SEC62: variants seen among roughly 807,000 people sequenced by gnomAD.
SEC62 encodes translocation protein SEC62.
Under a neutral mutation model 47.5 loss-of-function variants are expected in SEC62, and 10 were observed. That is an observed-to-expected ratio of 0.21 (90% CI 0.13 to 0.36). SEC62 has a LOEUF of 0.36. Among genes scored for constraint, SEC62 ranks in the 10% least tolerant of loss-of-function variants. The probability of loss-of-function intolerance (pLI) is 1.00; values close to 1 mark genes in which losing one functional copy is unlikely to be tolerated. For missense variants in SEC62, 327 were observed against 464.1 expected (o/e 0.70, Z 2.71); for synonymous variants, 136 against 150.5 (o/e 0.90, Z 0.71).
At chr3:169,967,232 CCCTT>C (rs1714553672) in intron 1 of SEC62, among the ~76,000 whole-genome samples, 1 of 152,324 alleles carries the variant, frequency 6.6e-6, no homozygotes, top group East Asian at 1.9e-4. Flanking sequence ...CTCCTCCCCT[CCCTT>C]CACCCCATCC....
intron 1 of SEC62, among the ~76,000 whole-genome samples, chr3:169,971,315 T>A (rs1255230564): frequency 6.6e-6 from 1 of 152,064 alleles, no homozygotes; most frequent in Non-Finnish European, 1.5e-5. Context: ...TCTCATGCGA[T>A]CCACCTCGGC....
intron 6 of SEC62, among the ~76,000 whole-genome samples, chr3:169,987,166 C>T (rs1199225328): frequency 6.6e-6 from 1 of 152,072 alleles, no homozygotes; most frequent in Non-Finnish European, 1.5e-5. Context: ...GTGGCTCACA[C>T]TTGTAATCCT....
In SEC62 at chr3:169,992,158, G is replaced by A. The variant is rs185288750; in HGVS notation, c.731-436G>A. Among the ~76,000 whole-genome samples the A allele has an allele frequency of 3.3e-5, 5 of 152,248 alleles. No homozygotes were observed. Among genetic ancestry groups the A allele is most frequent in the Admixed American group, 2.0e-4 (3 of 15,296 alleles). The stretch of plus-strand genomic sequence containing the variant: ...ACTTAAATTCCCAACTGATTGCTAT[G>A]TGTATTGAAGCATAATATCACAAAG... On this transcript the variant is annotated intron_variant, in intron 7 of 7. Coordinates refer to ENST00000337002, the MANE Select transcript of SEC62 (RefSeq NM_003262.4). This position sits in a 1 kb window ranked among gnomAD's most constrained non-coding sequence, Gnocchi z 4.0.
chr3:169,976,907 C>T, intron 2 of SEC62, 39 bp from the exon 3 acceptor site: 1 of 1,375,722 alleles, frequency 7.3e-7, no homozygotes, highest in African/African-American at 1.4e-5. Flanking sequence ...CATAAATCCC[C>T]ATGTATGCTA....
intron 7 of SEC62, among the ~76,000 whole-genome samples, chr3:169,989,568 G>C (rs1320254672): frequency 1.6e-4 from 25 of 151,872 alleles, no homozygotes; most frequent in Admixed American, 1.6e-3. Flanking sequence ...TAAAATTGGT[G>C]CTTTTTGCCT....
Position 169,967,377 on chromosome 3 carries a change from C to T in SEC62, c.36+519C>T, listed in dbSNP as rs1373987899. On this transcript the variant is annotated intron_variant, in intron 1 of 7. Coordinates refer to ENST00000337002, the MANE Select transcript of SEC62 (RefSeq NM_003262.4). Reference sequence around the variant, plus strand: ...GAATGATCTGGACTTGGTCAGCTGCCTCGGGGCCTAGGCAGGGATCTGCTC... The same window carrying T: ...GAATGATCTGGACTTGGTCAGCTGCTTCGGGGCCTAGGCAGGGATCTGCTC... 2.0e-5 allele frequency among the ~76,000 whole-genome samples: 3 copies of T among 152,314 alleles called. No homozygotes were observed. The East Asian group carries it at 5.8e-4, about 29-fold the overall frequency.
chr3:169,973,767 G>A (rs566325295), intron 1 of SEC62, among the ~76,000 whole-genome samples: 2 of 152,258 alleles, frequency 1.3e-5, no homozygotes, highest in Admixed American at 6.5e-5. Flanking sequence ...TGGGTTGAGT[G>A]ATTTGGGCTC....
chr3:169,990,461 A>G (rs1161696213), intron 7 of SEC62, among the ~76,000 whole-genome samples: 1 of 147,634 alleles, frequency 6.8e-6, no homozygotes, highest in African/African-American at 2.5e-5. Context: ...TTCCCTTTTC[A>G]CTCTCGGTAA....
Position 169,983,212 on chromosome 3 carries a change from C to G in SEC62, c.508C>G (p.Leu170Val). 1 of 1,612,594 alleles carries G rather than the reference C, an allele frequency of 6.2e-7. No individual in the cohort carries two copies. ...GAAGGAAACTAAGAAAAAATTCAAA[C>G]TTGAGCCACATGATGATCAGGTTTT... ...KKKETKKKFK[L>V]EPHDDQVFLD... The change falls in exon 5 of 8, where the codon CTT (leucine) becomes GTT (valine). Residue 170 changes from leucine to valine, a missense_variant. By Grantham distance (32) the Leu-to-Val change is conservative (BLOSUM62 1). This residue lies in a region of SEC62 where 99 missense variants were observed against 194.0 expected (regional missense o/e 0.51). Coordinates refer to ENST00000337002, the MANE Select transcript of SEC62 (RefSeq NM_003262.4).
chr3:169,985,708 T>C (rs1715088766), intron 5 of SEC62, 97 bp from the exon 6 acceptor site: 2 of 833,384 alleles, frequency 2.4e-6, no homozygotes. Context: ...GTTAAGAGGT[T>C]GATGACTGCT....
At chr3:169,985,766 T>G in intron 5 of SEC62, 39 bp from the exon 6 acceptor site, 1 of 1,544,398 alleles carries the variant, frequency 6.5e-7, no homozygotes, top group Non-Finnish European at 8.9e-7. Context: ...TAATGTGACA[T>G]TAGAACTTTT....
At chr3:169,981,764 CTCTT>C (rs1369876816) in intron 3 of SEC62, among the ~76,000 whole-genome samples, 1 of 152,208 alleles carries the variant, frequency 6.6e-6, no homozygotes, top group African/African-American at 2.4e-5. Flanking sequence ...ATCTCTCTCT[CTCTT>C]AAGAAGTTTA....
rs964402039 is a variant in SEC62 at position 169,977,744 on chromosome 3, T to A, written c.251+693T>A. On this transcript the variant is annotated intron_variant, in intron 3 of 7. Transcript: ENST00000337002. The stretch of plus-strand genomic sequence containing the variant: ...GGTTTACTTAATACTAAGCATTTTC[T>A]TAATATATGTTAACTAAATTTTGTT... Among the ~76,000 whole-genome samples, 5 of 152,290 alleles carry A rather than the reference T, an allele frequency of 3.3e-5. No individual in the cohort carries two copies. In the East Asian group the frequency reaches 5.8e-4, roughly 18 times the overall value.
At chr3:169,967,801 T>G (rs1331497490) in intron 1 of SEC62, among the ~76,000 whole-genome samples, 1 of 152,202 alleles carries the variant, frequency 6.6e-6, no homozygotes, top group African/African-American at 2.4e-5. Flanking sequence ...AATCATAAAT[T>G]GTTACATTCA....
At chr3:169,971,668 G>A (rs942677418) in intron 1 of SEC62, among the ~76,000 whole-genome samples, 1 of 152,168 alleles carries the variant, frequency 6.6e-6, no homozygotes, top group African/African-American at 2.4e-5. Context: ...TTGTTAGAAT[G>A]AGATTTTTAA....
intron 2 of SEC62, among the ~76,000 whole-genome samples, chr3:169,976,454 C>T (rs1263940523): frequency 6.6e-6 from 1 of 151,964 alleles, no homozygotes; most frequent in African/African-American, 2.4e-5. Context: ...ATTTGACATT[C>T]ATTACAAGTT....
chr3:169,990,999 T>C (rs1715236262), intron 7 of SEC62, among the ~76,000 whole-genome samples: 1 of 152,178 alleles, frequency 6.6e-6, no homozygotes, highest in Non-Finnish European at 1.5e-5. Context: ...CACATAATCA[T>C]CATGACCTTT....
Position 169,993,007 on chromosome 3 carries a change from G to C in SEC62, c.1144G>C (p.Asp382His). 6.2e-7 allele frequency: 1 copy of C among 1,612,172 alleles called. No individual in the cohort carries two copies. The highest frequency in any genetic ancestry group is 8.5e-7 in the Non-Finnish European group (1 of 1,179,358). ...EQQTDGDCEEDEEEENDGETP... is the reference protein window; with the variant it reads ...EQQTDGDCEEHEEEENDGETP... The stretch of plus-strand genomic sequence containing the variant: ...GCAAACAGATGGGGATTGTGAAGAG[G>C]ATGAGGAAGAGGAAAATGATGGAGA... Residue 382 changes from aspartate (D) to histidine (H), a missense_variant, in exon 8 of 8, where the codon GAT (aspartate) becomes CAT (histidine). Asp to His is a moderately conservative substitution (Grantham distance 81). Transcript: ENST00000337002.
intron 3 of SEC62, among the ~76,000 whole-genome samples, chr3:169,980,320 G>A (rs77120790): frequency 0.017 from 2,623 of 151,764 alleles, 81 homozygotes; most frequent in African/African-American, 0.061. Context: ...AGAACACACC[G>A]AGATAGGAAA....
Sources: gnomAD v4.1 joint callset for allele counts (sites outside exome capture counted in the v4.1 genomes callset) on GRCh38, gnomAD v4.1.1 for gene constraint, gnomAD v4.1.1 regional missense constraint, Gnocchi (gnomAD v3.1) non-coding constraint, MANE v1.5 for transcripts, NCBI Gene and HGNC (gene_info 2026-07-23, HGNC 2026-07-21) for gene names.